Variants in WNT2B observed in about 807,000 individuals in gnomAD.
WNT2B encodes Wnt family member 2B.
A neutral mutation model predicts 40.5 loss-of-function variants in WNT2B; 19 were observed. The ratio of observed to expected loss-of-function variants is 0.47; its 90% CI spans 0.33 to 0.69. The LOEUF (loss-of-function observed/expected upper bound fraction) is 0.69. Among genes scored for constraint, WNT2B ranks in the 30% least tolerant of loss-of-function variants. The probability of loss-of-function intolerance (pLI) is 0.02; values close to 1 mark genes in which losing one functional copy is unlikely to be tolerated. For synonymous variants in WNT2B, 220 were observed against 211.9 expected (o/e 1.04, Z -0.33); for missense variants, 467 against 556.4 (o/e 0.84, Z 1.62).
intron 1 of WNT2B, among the ~76,000 whole-genome samples, chr1:112,498,196 G>A (rs772464750): frequency 7.9e-5 from 12 of 151,324 alleles, no homozygotes; most frequent in Non-Finnish European, 1.6e-4. Flanking sequence ...TGCTGAGAAT[G>A]GTGGCTTCTA....
At chr1:112,508,758 C>A, upstream of WNT2B, 1 of 986,586 alleles carries the variant, frequency 1.0e-6, no homozygotes, top group Non-Finnish European at 1.2e-6. The surrounding 1 kb of genome is among the most constrained non-coding windows in gnomAD (Gnocchi z 4.2). Context: ...GGAGCCGCGG[C>A]GTCCCGTCGC....
intron 1 of WNT2B, among the ~76,000 whole-genome samples, chr1:112,488,730 A>G (rs1054841018): frequency 2.0e-5 from 3 of 150,978 alleles, no homozygotes; most frequent in African/African-American, 7.3e-5. Context: ...TTTTTTTTGT[A>G]TTTTTAATAA....
At position 112,526,431 on chromosome 1, in the gene WNT2B, A is replaced by T. The variant is rs1282113208; in HGVS notation, c.*5922A>T. 4.7e-6 allele frequency: 1 copy of T among 210,808 alleles called. No homozygotes were observed. The highest frequency in any genetic ancestry group is 5.2e-5 in the Admixed American group (1 of 19,116). 13.1% of individuals were successfully genotyped at this position (210,808 alleles called of 1,614,324 possible). On this transcript the variant is annotated 3_prime_UTR_variant, in exon 5 of 5. Coordinates refer to ENST00000369684, the MANE Select transcript of WNT2B (RefSeq NM_024494.3). ...GTAGAAGTAGTCATGACAGAAAATT[A>T]TTAAGGCTTTGAAAATATGTATCAG...
chr1:112,515,988 A>G lies in WNT2B; in HGVS notation c.404-152A>G, dbSNP rs1289379930. The G allele has an allele frequency of 2.1e-6, 2 of 971,274 alleles. No individual in the cohort carries two copies. Among genetic ancestry groups the G allele is most frequent in the East Asian group, 2.6e-5 (1 of 38,962 alleles). The allele number at this position is 971,274 out of a possible 1,614,324, so 60.2% of individuals were successfully genotyped here. ...CAGATACTCTGGGGAATGCTCTTGG[A>G]AATGAAAGGCACCTTGAATAAAGGG... On this transcript the variant is annotated intron_variant, in intron 2 of 4. Coordinates refer to ENST00000369684, the MANE Select transcript of WNT2B (RefSeq NM_024494.3). This position sits in a 1 kb window ranked among gnomAD's most constrained non-coding sequence, Gnocchi z 4.4.
chr1:112,505,998 AT>A (rs963556467), upstream of WNT2B, among the ~76,000 whole-genome samples: 3 of 151,684 alleles, frequency 2.0e-5, no homozygotes, highest in Non-Finnish European at 2.9e-5. Flanking sequence ...ATGCTTTAAA[AT>A]TTTTTTTATT....
intron 1 of WNT2B, among the ~76,000 whole-genome samples, chr1:112,514,080 T>C (rs1462482505): frequency 6.6e-6 from 1 of 152,180 alleles, no homozygotes; most frequent in Non-Finnish European, 1.5e-5. Flanking sequence ...TTGACCTTCT[T>C]TTAATTGTTC....
At chr1:112,486,279 CAA>C (rs1195676742) in intron 1 of WNT2B, among the ~76,000 whole-genome samples, 1 of 151,980 alleles carries the variant, frequency 6.6e-6, no homozygotes, top group African/African-American at 2.4e-5. Context: ...CCCATCTCTA[CAA>C]AAAAATTTTT....
At chr1:112,506,869 C>T (rs1253685912), upstream of WNT2B, among the ~76,000 whole-genome samples, 1 of 152,246 alleles carries the variant, frequency 6.6e-6, no homozygotes, top group Non-Finnish European at 1.5e-5. Flanking sequence ...TGTCTGTATT[C>T]AGTCCTCTCC....
rs980163572 is a variant in WNT2B at position 112,522,656 on chromosome 1, G to A, written c.*2147G>A. 2 of 152,236 alleles carry A rather than the reference G, an allele frequency of 1.3e-5. No homozygotes were observed. The highest frequency in any genetic ancestry group is 1.3e-4 in the Admixed American group (2 of 15,278). 9.4% of individuals were successfully genotyped at this position (152,236 alleles called of 1,614,324 possible). ...TTTGGATGATAGGACTAATATTTGT[G>A]TAACCTGCTGAGACCTGTGTGGGAG... On this transcript the variant is annotated 3_prime_UTR_variant, in exon 5 of 5. Transcript: ENST00000369684.
intron 1 of WNT2B, among the ~76,000 whole-genome samples, chr1:112,470,980 T>G (rs1650864576): frequency 1.3e-5 from 2 of 151,740 alleles, no homozygotes; most frequent in Non-Finnish European, 2.9e-5. Flanking sequence ...TCCTGAGGAG[T>G]AGTAGTTCAT....
chr1:112,491,005 G>T (rs373335061), intron 1 of WNT2B: 4 of 1,613,762 alleles, frequency 2.5e-6, no homozygotes, highest in East Asian at 4.5e-5. Flanking sequence ...TTTCTTTTCC[G>T]ACCAGACTGA....
chr1:112,471,096 A>T (rs1650867693), intron 1 of WNT2B, among the ~76,000 whole-genome samples: 1 of 152,184 alleles, frequency 6.6e-6, no homozygotes, highest in Non-Finnish European at 1.5e-5. Context: ...GGATTCTGAA[A>T]TGTGGACATA....
Position 112,525,742 on chromosome 1 carries a change from G to A in WNT2B, c.*5233G>A. 1 of 321,926 alleles carries A rather than the reference G, an allele frequency of 3.1e-6. No homozygotes were observed. The highest frequency in any genetic ancestry group is 5.7e-6 in the Non-Finnish European group (1 of 175,468). The allele number at this position is 321,926 out of a possible 1,614,324, so 19.9% of individuals were successfully genotyped here. Reference sequence around the variant, plus strand: ...CGGTGACTTGACTTCAACCCCAACAGCCCCTGTAAGTAGCCCTGGCCAAAC... The same window carrying A: ...CGGTGACTTGACTTCAACCCCAACAACCCCTGTAAGTAGCCCTGGCCAAAC... On this transcript the variant is annotated 3_prime_UTR_variant, in exon 5 of 5. Transcript: ENST00000369684.
intron 1 of WNT2B, among the ~76,000 whole-genome samples, chr1:112,479,174 T>TCG (rs1651142279): frequency 6.6e-6 from 1 of 151,542 alleles, no homozygotes; most frequent in Non-Finnish European, 1.5e-5. Context: ...TGAGCTGAAA[T>TCG]TGCACCATTG....
At chr1:112,491,039 C>G (rs1233850504) in intron 1 of WNT2B, 2 of 1,614,132 alleles carry the variant, frequency 1.2e-6, no homozygotes, top group Non-Finnish European at 1.7e-6. Flanking sequence ...ACGGCAGTAC[C>G]TGGCATACCT....
intron 1 of WNT2B, among the ~76,000 whole-genome samples, chr1:112,510,330 C>T (rs1652304477): frequency 6.6e-6 from 1 of 152,218 alleles, no homozygotes; most frequent in East Asian, 1.9e-4. Flanking sequence ...TTCCCTTCTT[C>T]CCCACCATGG....
rs1304046731 is a variant in WNT2B, at chr1:112,520,500, C to T, written c.1167C>T (p.Asp389=). The change falls in exon 5 of 5, where the codon GAC becomes GAT. Residue 389 remains aspartate, a synonymous_variant. Transcript: ENST00000369684. ...CCCCCAAGAAGGCAGAGTGGCTGGA[C>T]CAAACCTGAACACACAGATACCTCA... The part of the protein sequence containing the change: ...CKAPKKAEWL[D]QT 2 of 1,613,996 alleles carry T rather than the reference C, an allele frequency of 1.2e-6. No homozygotes were observed. The highest frequency in any genetic ancestry group is 3.3e-4 in the Middle Eastern group (2 of 6,062).
At position 112,515,897 on chromosome 1, in the gene WNT2B, G is replaced by T. The variant is rs114886183; in HGVS notation, c.404-243G>T. Among the ~76,000 whole-genome samples the T allele has an allele frequency of 6.6e-6, 1 of 152,176 alleles. No individual in the cohort carries two copies. Among genetic ancestry groups the T allele is most frequent in the South Asian group, 2.1e-4 (1 of 4,832 alleles). Reference sequence around the variant, plus strand: ...AATTTGGCAGGAAACAAGAGTATAGGTCAGCTCAAAAGGTCAGATATACAA... The same window carrying T: ...AATTTGGCAGGAAACAAGAGTATAGTTCAGCTCAAAAGGTCAGATATACAA... On this transcript the variant is annotated intron_variant, in intron 2 of 4. Transcript: ENST00000369684. The surrounding 1 kb of genome is among the most constrained non-coding windows in gnomAD (Gnocchi z 4.4).
chr1:112,510,887 T>A (rs1019599147), intron 1 of WNT2B, among the ~76,000 whole-genome samples: 15 of 152,202 alleles, frequency 9.9e-5, no homozygotes, highest in Admixed American at 8.5e-4. Context: ...TTTGCCTTCA[T>A]GAGCTTGGTC....
Sources: gnomAD v4.1 joint callset for allele counts (sites outside exome capture counted in the v4.1 genomes callset) on GRCh38, gnomAD v4.1.1 for gene constraint, Gnocchi (gnomAD v3.1) non-coding constraint, MANE v1.5 for transcripts, NCBI Gene and HGNC (gene_info 2026-07-23, HGNC 2026-07-21) for gene names.